The following RAB3C variants were observed in gnomAD, a reference collection of about 807,000 sequenced individuals.
RAB3C encodes the protein RAB3C, member RAS oncogene family.
A neutral mutation model predicts 26.4 loss-of-function variants in RAB3C; 17 were observed. The observed-to-expected ratio is 0.64, with a 90% CI of 0.44 to 0.97. The LOEUF (loss-of-function observed/expected upper bound fraction) is 0.97, where lower values mean the gene tolerates loss of function less well. Among genes scored for constraint, RAB3C ranks in the 50% least tolerant of loss-of-function variants. The pLI is 0.00. For missense variants in RAB3C, 242 were observed against 281.9 expected (o/e 0.86, Z 1.01); for synonymous variants, 91 against 95.9 (o/e 0.95, Z 0.30).
At chr5:58,702,267 A>T (rs1748860234) in intron 2 of RAB3C, among the ~76,000 whole-genome samples, 1 of 152,134 alleles carries the variant, frequency 6.6e-6, no homozygotes, top group African/African-American at 2.4e-5. Context: ...CATTTCACAG[A>T]GTTTCTGGCC....
At chr5:58,781,411 G>T (rs1409505533) in intron 3 of RAB3C, among the ~76,000 whole-genome samples, 3 of 151,962 alleles carry the variant, frequency 2.0e-5, no homozygotes, top group African/African-American at 7.2e-5. Flanking sequence ...TTCTTAACCA[G>T]AGTTCTTCAT....
chr5:58,654,660 A>G (rs1747727883), intron 2 of RAB3C, among the ~76,000 whole-genome samples: 1 of 140,042 alleles, frequency 7.1e-6, no homozygotes, highest in African/African-American at 2.9e-5. Context: ...AAGTCCTTTC[A>G]TATCATGCTC....
intron 2 of RAB3C, among the ~76,000 whole-genome samples, chr5:58,709,795 T>A (rs541522234): frequency 1.3e-5 from 2 of 152,260 alleles, no homozygotes; most frequent in South Asian, 4.1e-4. Flanking sequence ...CGGAAAAGAA[T>A]TACTTTAACA....
intron 1 of RAB3C, among the ~76,000 whole-genome samples, chr5:58,613,478 AG>A (rs770497164): frequency 5.9e-5 from 9 of 152,308 alleles, no homozygotes; most frequent in Non-Finnish European, 1.2e-4. Flanking sequence ...AATCTGAAAA[AG>A]ATAACTAATA....
At chr5:58,677,307 G>C (rs780490939) in intron 2 of RAB3C, among the ~76,000 whole-genome samples, 11 of 152,176 alleles carry the variant, frequency 7.2e-5, no homozygotes, top group Non-Finnish European at 1.3e-4. Context: ...ACTAGGATTT[G>C]AGCATATAAA....
intron 4 of RAB3C, among the ~76,000 whole-genome samples, chr5:58,850,191 T>C (rs1032208502): frequency 2.0e-5 from 3 of 152,232 alleles, no homozygotes; most frequent in African/African-American, 7.2e-5. Context: ...CAGAGCAGCA[T>C]ACTAAGGCTG....
At chr5:58,796,149 C>T (rs1234746358) in intron 3 of RAB3C, among the ~76,000 whole-genome samples, 1 of 152,150 alleles carries the variant, frequency 6.6e-6, no homozygotes, top group Non-Finnish European at 1.5e-5. Context: ...CTGGGGTTCT[C>T]CAAAGCCTTT....
At chr5:58,607,607 A>G (rs1746601150) in intron 1 of RAB3C, among the ~76,000 whole-genome samples, 1 of 152,188 alleles carries the variant, frequency 6.6e-6, no homozygotes, top group South Asian at 2.1e-4. Context: ...AAGACACATA[A>G]TTGTCAGATT....
At chr5:58,774,202 C>T (rs1360215990) in intron 3 of RAB3C, among the ~76,000 whole-genome samples, 1 of 152,140 alleles carries the variant, frequency 6.6e-6, no homozygotes, top group African/African-American at 2.4e-5. Context: ...AACTGGTAAG[C>T]ACCAGTTTCT....
At position 58,855,343 on chromosome 5, in the gene RAB3C, A is replaced by C. The variant is rs559991606; in HGVS notation, c.*3992A>C. The C allele has an allele frequency of 4.6e-5, 7 of 152,308 alleles. 1 individual carries two copies. Among genetic ancestry groups the C allele is most frequent in the African/African-American group, 1.7e-4 (7 of 41,576 alleles). The allele number at this position is 152,308 out of a possible 1,614,324, so 9.4% of individuals were successfully genotyped here. On this transcript the variant is annotated 3_prime_UTR_variant, in exon 5 of 5. Coordinates refer to ENST00000282878, the MANE Select transcript of RAB3C (RefSeq NM_138453.4). ...GTTTGTTAATAATCTTCATAGTACT[A>C]CTGGAATGCTCAATCAGTTATTTTT...
At chr5:58,699,604 G>A (rs994523519) in intron 2 of RAB3C, among the ~76,000 whole-genome samples, 1 of 152,204 alleles carries the variant, frequency 6.6e-6, no homozygotes, top group African/African-American at 2.4e-5. Context: ...GCCTTGTTGA[G>A]CTAAGGTGGG....
intron 3 of RAB3C, among the ~76,000 whole-genome samples, chr5:58,801,117 A>C (rs1742798630): frequency 6.7e-6 from 1 of 150,054 alleles, no homozygotes; most frequent in Non-Finnish European, 1.5e-5. Context: ...TCTTCTCCCC[A>C]GACCTCTTCC....
At chr5:58,840,610 AG>A (rs1743855550) in intron 4 of RAB3C, among the ~76,000 whole-genome samples, 1 of 152,156 alleles carries the variant, frequency 6.6e-6, no homozygotes, top group East Asian at 1.9e-4. Flanking sequence ...TTTATGAAGT[AG>A]GTTTCATATG....
At chr5:58,696,795 A>G (rs968267001) in intron 2 of RAB3C, among the ~76,000 whole-genome samples, 1 of 152,036 alleles carries the variant, frequency 6.6e-6, no homozygotes, top group Non-Finnish European at 1.5e-5. Flanking sequence ...TATTGCATCT[A>G]TTTGATTCTT....
chr5:58,727,080 G>T (rs778834680), intron 3 of RAB3C, among the ~76,000 whole-genome samples: 3 of 151,712 alleles, frequency 2.0e-5, no homozygotes, highest in Non-Finnish European at 4.4e-5. Flanking sequence ...ATTATCTTAT[G>T]TAAGGAAAAC....
intron 2 of RAB3C, among the ~76,000 whole-genome samples, chr5:58,677,581 C>T (rs1748254619): frequency 6.6e-6 from 1 of 152,130 alleles, no homozygotes; most frequent in African/African-American, 2.4e-5. Context: ...CAGAGCCTAG[C>T]AAAATGATTG....
chr5:58,606,229 C>A (rs1481678180), intron 1 of RAB3C, among the ~76,000 whole-genome samples: 2 of 152,220 alleles, frequency 1.3e-5, no homozygotes, highest in African/African-American at 4.8e-5. Context: ...TAGCAACAGG[C>A]AGACCAGGAA....
chr5:58,694,085 C>A (rs567126525), intron 2 of RAB3C, among the ~76,000 whole-genome samples: 29 of 152,202 alleles, frequency 1.9e-4, no homozygotes, highest in Non-Finnish European at 2.9e-4. Context: ...CTCCCCCAGC[C>A]CCTCCACCCC....
chr5:58,779,101 C>T (rs774835216), intron 3 of RAB3C, among the ~76,000 whole-genome samples: 33 of 152,030 alleles, frequency 2.2e-4, no homozygotes, highest in African/African-American at 3.9e-4. Context: ...CTTCAACTAC[C>T]GGCAGCCCAG....
Sources: allele counts gnomAD v4.1 joint callset (sites outside exome capture counted in the v4.1 genomes callset), GRCh38; gene constraint gnomAD v4.1.1; transcripts MANE v1.5; gene names NCBI Gene and HGNC (gene_info 2026-07-23, HGNC 2026-07-21).